The following ZNF17 variants were observed in gnomAD, a reference collection of about 807,000 sequenced individuals.
The protein encoded by ZNF17 is zinc finger protein 17.
Under a neutral mutation model 7.7 loss-of-function variants are expected in ZNF17, and 4 were observed. The observed-to-expected ratio is 0.52, with a 90% confidence interval of 0.26 to 1.20. The LOEUF (loss-of-function observed/expected upper bound fraction) is 1.20, where lower values mean the gene tolerates loss of function less well. Ranked by LOEUF, ZNF17 falls within the 50% of genes most tolerant of loss-of-function variation. The pLI, the probability that ZNF17 is intolerant of heterozygous loss-of-function variation, is 0.14. For missense variants in ZNF17, 738 were observed against 799.5 expected (o/e 0.92, Z 0.93); for synonymous variants, 249 against 258.8 (o/e 0.96, Z 0.36).
At chr19:57,419,459 A>G in intron 3 of ZNF17, 176 bp from the exon 4 acceptor site, 1 of 636,764 alleles carries the variant, frequency 1.6e-6, no homozygotes, top group South Asian at 2.1e-5. Context: ...CTCTTTCGTT[A>G]TGGGTTTCTG....
intron 2 of ZNF17, among the ~76,000 whole-genome samples, chr19:57,415,556 C>T (rs1339824535): frequency 6.6e-6 from 1 of 151,742 alleles, no homozygotes; most frequent in Non-Finnish European, 1.5e-5. Flanking sequence ...ATTCTGGAGG[C>T]AATGCTGTTA....
intron 2 of ZNF17, 131 bp downstream of exon 2, chr19:57,413,767 C>T: frequency 8.9e-7 from 1 of 1,124,586 alleles, no homozygotes; most frequent in Non-Finnish European, 1.3e-6. Flanking sequence ...GCCTGTAGTT[C>T]CACCAGACCT....
intron 2 of ZNF17, among the ~76,000 whole-genome samples, chr19:57,414,596 A>G (rs867906281): frequency 2.6e-5 from 4 of 152,040 alleles, no homozygotes; most frequent in African/African-American, 7.2e-5. Flanking sequence ...CAGCCTCCCA[A>G]AGTGCTGGGA....
chr19:57,420,917 T>C lies in ZNF17; in HGVS notation c.1431T>C (p.Cys477=), dbSNP rs750315809. The C allele has an allele frequency of 6.2e-7, 1 of 1,614,146 alleles. No homozygotes were observed. The highest frequency in any genetic ancestry group is 8.5e-7 in the Non-Finnish European group (1 of 1,179,984). Reference sequence around the variant, plus strand: ...AGAGGCCTTATGAATGCAGTGAATGTGGCAAATTCTTTGTGGACAGCTGTA... The same window carrying C: ...AGAGGCCTTATGAATGCAGTGAATGCGGCAAATTCTTTGTGGACAGCTGTA... ...SGERPYECSE[C]GKFFVDSCTL... The change falls in exon 4 of 4, where the codon TGT becomes TGC. Residue 477 remains cysteine (C), a synonymous_variant. Transcript: ENST00000307658.
intron 2 of ZNF17, among the ~76,000 whole-genome samples, chr19:57,416,979 T>C (rs960233830): frequency 6.6e-6 from 1 of 152,116 alleles, no homozygotes; most frequent in Non-Finnish European, 1.5e-5. Flanking sequence ...TGGATGTGTG[T>C]GGGTGTGGTG....
Position 57,419,620 on chromosome 19 carries a change from G to A in ZNF17, c.149-15G>A, listed in dbSNP as rs1443985820. 2.5e-6 allele frequency: 4 copies of A among 1,599,506 alleles called. No individual in the cohort carries two copies. In the African/African-American group the frequency reaches 4.0e-5, roughly 16 times the overall value. On this transcript the variant is annotated splice_polypyrimidine_tract_variant and intron_variant, in intron 3 of 3. Transcript: ENST00000307658. ...TCCAAAGTCATCATGCACTTCATGA[G>A]CATTTCTGTTTTAGGTTGTTGGCAT...
intron 2 of ZNF17, among the ~76,000 whole-genome samples, chr19:57,415,176 G>T (rs538219552): frequency 6.6e-6 from 1 of 152,148 alleles, no homozygotes; most frequent in Admixed American, 6.5e-5. Flanking sequence ...GGGGTGGGTG[G>T]CTTCTGTAGG....
At chr19:57,418,147 G>T (rs2088823996) in intron 3 of ZNF17, 109 bp downstream of exon 3, 1 of 1,408,970 alleles carries the variant, frequency 7.1e-7, no homozygotes, top group Non-Finnish European at 9.7e-7. Context: ...TCCTCTCCTG[G>T]TTTCCTGGCA....
chr19:57,418,075 G>C, intron 3 of ZNF17, 37 bp downstream of exon 3: 1 of 1,586,288 alleles, frequency 6.3e-7, no homozygotes, highest in Non-Finnish European at 8.6e-7. Flanking sequence ...TCTTGTGCTG[G>C]GCAATGTTTT....
intron 1 of ZNF17, chr19:57,413,344 A>G: frequency 2.2e-6 from 1 of 447,094 alleles, no homozygotes; most frequent in Admixed American, 3.4e-5. Context: ...AATTGCTGAT[A>G]CATAGTGTGT....
rs1358734003 is a variant in ZNF17 at position 57,421,477 on chromosome 19, G to C, written c.1991G>C (p.Arg664Thr). ...ATTCAGCACCAGAAAGTTCACACCA[G>C]ATAAAGAATGTATATATAAAGCAGA... ...HLIQHQKVHT[R>T] The change falls in exon 4 of 4, where the codon AGA becomes ACA. Residue 664 changes from arginine (R) to threonine (T), a missense_variant. Arg to Thr is a moderately conservative substitution (Grantham distance 71). Around this residue, in one of 3 missense-constraint regions of ZNF17, gnomAD observed 116 missense variants for 114.0 expected, o/e 1.02. Transcript: ENST00000307658. 51 of 1,597,682 alleles carry C rather than the reference G, an allele frequency of 3.2e-5. No individual in the cohort carries two copies. Among genetic ancestry groups the C allele is most frequent in the Non-Finnish European group, 4.4e-5 (51 of 1,171,602 alleles).
chr19:57,419,252 G>A (rs1438478432), intron 3 of ZNF17: 3 of 191,370 alleles, frequency 1.6e-5, no homozygotes, highest in Non-Finnish European at 3.3e-5. Flanking sequence ...TGTGAGGTCT[G>A]GATGTATATA....
In ZNF17 at chr19:57,419,764, C is replaced by G; in HGVS notation, c.278C>G (p.Ser93Ter). The G allele has an allele frequency of 6.2e-7, 1 of 1,614,188 alleles. No homozygotes were observed. Among genetic ancestry groups the G allele is most frequent in the Non-Finnish European group, 8.5e-7 (1 of 1,180,050 alleles). The part of the protein sequence containing the change: ...QKAQPCETCS[S>*]LLKDILHLAE... ...GCCCAGCCCTGTGAGACATGTAGCT[C>G]ACTTCTGAAGGACATTCTACACCTG... The change falls in exon 4 of 4, where the codon TCA becomes TGA. Residue 93 changes from serine (S) to a stop codon, truncating the protein, a stop_gained. Coordinates refer to ENST00000307658, the MANE Select transcript of ZNF17 (RefSeq NM_001330617.2). LOFTEE classifies it low-confidence loss of function (END_TRUNC).
Position 57,421,713 on chromosome 19 carries a change from C to A in ZNF17, c.*232C>A, listed in dbSNP as rs766334268. The A allele has an allele frequency of 5.0e-4, 217 of 432,476 alleles. No homozygotes were observed. Among genetic ancestry groups the A allele is most frequent in the Non-Finnish European group, 7.8e-4 (196 of 252,196 alleles). The allele number at this position is 432,476 out of a possible 1,614,324, so 26.8% of individuals were successfully genotyped here. ...AAACTAAGTCTATACCTTTTAAAACCTTATTCCTCACTCCATCCAGCCTCT... is the reference window on the plus strand; with the variant it reads ...AAACTAAGTCTATACCTTTTAAAACATTATTCCTCACTCCATCCAGCCTCT... On this transcript the variant is annotated 3_prime_UTR_variant, in exon 4 of 4. Transcript: ENST00000307658.
At chr19:57,417,091 T>A (rs2088815505) in intron 2 of ZNF17, among the ~76,000 whole-genome samples, 1 of 152,168 alleles carries the variant, frequency 6.6e-6, no homozygotes, top group Admixed American at 6.5e-5. Context: ...GCCAATGACA[T>A]TGAAATAATT....
chr19:57,418,179 C>G (rs2088824179), intron 3 of ZNF17, 141 bp downstream of exon 3: 1 of 1,139,768 alleles, frequency 8.8e-7, no homozygotes, highest in African/African-American at 1.6e-5. Flanking sequence ...GCAGCTACAG[C>G]TGGGCTGTGT....
rs768976782 is a variant in ZNF17 at position 57,421,125 on chromosome 19, C to T, written c.1639C>T (p.Arg547Trp). Residue 547 changes from arginine to tryptophan, a missense_variant, in exon 4 of 4, where the codon CGG becomes TGG. Arg to Trp is a moderately radical substitution (Grantham distance 101, BLOSUM62 -3). Transcript: ENST00000307658. ...GCACAACTCAAATCATATTAGACAT[C>T]GGAGAAATCACTTTGGAGAAAGGTC... Reference protein sequence around the residue: ...FRHNSNHIRHRRNHFGERSFE... With the variant: ...FRHNSNHIRHWRNHFGERSFE... 13 of 1,613,654 alleles carry T rather than the reference C, an allele frequency of 8.1e-6. No homozygotes were observed. Among genetic ancestry groups the T allele is most frequent in the East Asian group, 6.7e-5 (3 of 44,882 alleles).
chr19:57,415,898 A>G (rs1451757796), intron 2 of ZNF17, among the ~76,000 whole-genome samples: 5 of 152,110 alleles, frequency 3.3e-5, no homozygotes, highest in Non-Finnish European at 7.4e-5. Context: ...CTCTGAGACT[A>G]TTTTGGCAGA....
chr19:57,413,601 A>C lies in ZNF17; in HGVS notation c.-15A>C, dbSNP rs1204652331. 6.5e-7 allele frequency: 1 copy of C among 1,535,976 alleles called. No homozygotes were observed. The highest frequency in any genetic ancestry group is 8.7e-7 in the Non-Finnish European group (1 of 1,146,926). ...TGGCCTGCCTCTTCCCACAGGGTTCATAGCAGTGGCAGCAATGCTTATGGA... is the reference window on the plus strand; with the variant it reads ...TGGCCTGCCTCTTCCCACAGGGTTCCTAGCAGTGGCAGCAATGCTTATGGA... On this transcript the variant is annotated 5_prime_UTR_variant, in exon 2 of 4. Transcript: ENST00000307658.
Sources: allele counts gnomAD v4.1 joint callset (sites outside exome capture counted in the v4.1 genomes callset), GRCh38; gene constraint gnomAD v4.1.1; regional missense constraint gnomAD v4.1.1; transcripts MANE v1.5; gene names NCBI Gene and HGNC (gene_info 2026-07-23, HGNC 2026-07-21).